ZNF423: variants seen among roughly 807,000 people sequenced by gnomAD.
ZNF423 encodes the protein Ebf-associated zinc finger protein.
ZNF423 carries 12 observed loss-of-function variants against 95.8 expected under a neutral mutation model. The ratio of observed to expected loss-of-function variants is 0.13; its 90% confidence interval spans 0.08 to 0.20. The LOEUF is 0.20. ZNF423 is among the 10% of genes least tolerant of loss of function. The probability of loss-of-function intolerance (pLI) is 1.00; values close to 1 mark genes in which losing one functional copy is unlikely to be tolerated. For missense variants in ZNF423, 1,316 were observed against 1,737.1 expected (o/e 0.76, Z 4.31); for synonymous variants, 749 against 711.9 (o/e 1.05, Z -0.83).
At chr16:49,606,067 C>T (rs1407025754) in intron 5 of ZNF423, among the ~76,000 whole-genome samples, 2 of 152,186 alleles carry the variant, frequency 1.3e-5, no homozygotes, top group South Asian at 2.1e-4. Flanking sequence ...CTGCAGCCAG[C>T]GCCATTGTCA....
intron 2 of ZNF423, among the ~76,000 whole-genome samples, chr16:49,744,962 T>C (rs1257073511): frequency 6.6e-6 from 1 of 152,218 alleles, no homozygotes; most frequent in African/African-American, 2.4e-5. Context: ...CTGTGAATCA[T>C]TTCATTTTCC....
intron 5 of ZNF423, among the ~76,000 whole-genome samples, chr16:49,552,919 G>C (rs559057947): frequency 6.6e-6 from 1 of 151,946 alleles, no homozygotes; most frequent in African/African-American, 2.4e-5. Context: ...ACCTGGACCC[G>C]CTCTACCCTG....
At chr16:49,565,690 C>T (rs966499177) in intron 5 of ZNF423, among the ~76,000 whole-genome samples, 1 of 152,220 alleles carries the variant, frequency 6.6e-6, no homozygotes, top group Non-Finnish European at 1.5e-5. Flanking sequence ...ACATCAGACC[C>T]ATCGGGGCTC....
Position 49,563,510 on chromosome 16 carries a change from C to G in ZNF423, c.3602-38016G>C, listed in dbSNP as rs527825015. ...AAGGTCTAAGACAAACGATATCTCA[C>G]TTAATCTTCACAACAACTCTCTGAG... On this transcript the variant is annotated intron_variant, in intron 5 of 7. Coordinates refer to ENST00000563137, the MANE Select transcript of ZNF423 (RefSeq NM_001379286.1). 3.1e-3 allele frequency among the ~76,000 whole-genome samples: 470 copies of G among 152,330 alleles called. 6 individuals are homozygous for G. Among genetic ancestry groups the G allele is most frequent in the Non-Finnish European group, 3.5e-3 (239 of 68,032 alleles).
chr16:49,732,463 T>C (rs2033191553), intron 2 of ZNF423, among the ~76,000 whole-genome samples: 1 of 152,204 alleles, frequency 6.6e-6, no homozygotes, highest in Non-Finnish European at 1.5e-5. Context: ...GATTTACCCA[T>C]CCGGAAACTA....
At chr16:49,585,766 G>A (rs2151808830) in intron 5 of ZNF423, among the ~76,000 whole-genome samples, 1 of 152,294 alleles carries the variant, frequency 6.6e-6, no homozygotes, top group Middle Eastern at 3.4e-3. Flanking sequence ...TGAATACAAT[G>A]AGTGCTTATA....
In ZNF423 at chr16:49,855,946, C is replaced by CT. The variant is rs1183468163; in HGVS notation, c.-173dup. The CT allele has an allele frequency of 6.6e-6, 1 of 150,666 alleles. No individual in the cohort carries two copies. Among genetic ancestry groups the CT allele is most frequent in the Non-Finnish European group, 1.5e-5 (1 of 67,480 alleles). The allele number at this position is 150,666 out of a possible 1,614,324, so 9.3% of individuals were successfully genotyped here. A position where few individuals can be genotyped will look rare whatever the true frequency, so the allele number is the denominator to read the frequency against. ...GGACCGCAGGTCCGGGGCGGCCTCCCTTGGGGGGGCAGCCCGGGCCGGCCG... is the reference window on the plus strand; with the variant it reads ...GGACCGCAGGTCCGGGGCGGCCTCCCTTTGGGGGGGCAGCCCGGGCCGGCCG... On this transcript the variant is annotated 5_prime_UTR_variant, in exon 1 of 8. Transcript: ENST00000563137. The surrounding 1 kb of genome is among the most constrained non-coding windows in gnomAD (Gnocchi z 4.7).
intron 5 of ZNF423, among the ~76,000 whole-genome samples, chr16:49,580,127 T>C (rs7187662): frequency 0.21 from 32,631 of 152,012 alleles, 3,656 homozygotes; most frequent in African/African-American, 0.26. Context: ...CAGCTTATAG[T>C]CCTGCAATAA....
At chr16:49,629,236 G>T (rs952159566) in intron 4 of ZNF423, among the ~76,000 whole-genome samples, 1 of 151,958 alleles carries the variant, frequency 6.6e-6, no homozygotes, top group East Asian at 1.9e-4. Context: ...TATAGTCCAG[G>T]CCCTGTAGAT....
At chr16:49,858,728 C>CG (rs61603332), upstream of ZNF423, among the ~76,000 whole-genome samples, 1 of 139,854 alleles carries the variant, frequency 7.2e-6, no homozygotes. The surrounding 1 kb of genome is among the most constrained non-coding windows in gnomAD (Gnocchi z 4.3). Context: ...CCCCCCCCCC[C>CG]ACGCCCCCGC....
chr16:49,556,125 G>C (rs1048404631), intron 5 of ZNF423, among the ~76,000 whole-genome samples: 5 of 152,158 alleles, frequency 3.3e-5, no homozygotes, highest in South Asian at 2.1e-4. Context: ...GGTCTCTTCC[G>C]ACCTTCGGAG....
intron 3 of ZNF423, chr16:49,664,010 T>C (rs2030394229): frequency 2.1e-6 from 2 of 955,354 alleles, no homozygotes; most frequent in African/African-American, 3.5e-5. Flanking sequence ...GGCGTTCCGG[T>C]GCAGACACCA....
chr16:49,788,326 A>G (rs780293162), intron 2 of ZNF423, among the ~76,000 whole-genome samples: 1 of 152,088 alleles, frequency 6.6e-6, no homozygotes, highest in Non-Finnish European at 1.5e-5. Context: ...TCCTTTCCCA[A>G]ATTTCATTGA....
intron 5 of ZNF423, among the ~76,000 whole-genome samples, chr16:49,528,271 C>G (rs148304587): frequency 2.0e-5 from 3 of 152,112 alleles, no homozygotes; most frequent in Non-Finnish European, 4.4e-5. Context: ...CTCCGAGTGC[C>G]GAGCAATTCA....
intron 3 of ZNF423, among the ~76,000 whole-genome samples, chr16:49,648,432 G>A (rs2356613): frequency 0.19 from 29,441 of 151,650 alleles, 3,047 homozygotes; most frequent in Admixed American, 0.24. Context: ...ACCTGAGGTC[G>A]GGAGTTCGAG....
chr16:49,710,645 G>A (rs887249251), intron 3 of ZNF423, among the ~76,000 whole-genome samples: 5 of 152,146 alleles, frequency 3.3e-5, no homozygotes, highest in African/African-American at 1.2e-4. Context: ...AATGACAGGT[G>A]GCTCTTAATG....
intron 1 of ZNF423, among the ~76,000 whole-genome samples, chr16:49,795,056 G>T (rs1162957288): frequency 6.6e-6 from 1 of 151,914 alleles, no homozygotes; most frequent in East Asian, 1.9e-4. Flanking sequence ...ATTTGTAGTA[G>T]AAACGGGGCT....
In ZNF423 at chr16:49,635,103, A is replaced by G. The variant is rs1286482277; in HGVS notation, c.3516+557T>C. 1.3e-5 allele frequency among the ~76,000 whole-genome samples: 2 copies of G among 152,228 alleles called. No individual in the cohort carries two copies. The highest frequency in any genetic ancestry group is 2.4e-5 in the African/African-American group (1 of 41,462). ...AACTGAAATGATGCCACTGGTGATA[A>G]GAGTACCAGCTGGTGATGACAGCCA... On this transcript the variant is annotated intron_variant, in intron 4 of 7. Transcript: ENST00000563137. This position sits in a 1 kb window ranked among gnomAD's most constrained non-coding sequence, Gnocchi z 4.8.
intron 3 of ZNF423, among the ~76,000 whole-genome samples, chr16:49,663,338 G>A (rs2030343781): frequency 6.6e-6 from 1 of 152,170 alleles, no homozygotes; most frequent in Non-Finnish European, 1.5e-5. Context: ...GCCTCTTCCT[G>A]AGGAGAACAA....
Sources: gnomAD v4.1 joint callset for allele counts (sites outside exome capture counted in the v4.1 genomes callset) on GRCh38, gnomAD v4.1.1 for gene constraint, Gnocchi (gnomAD v3.1) non-coding constraint, MANE v1.5 for transcripts, NCBI Gene and HGNC (gene_info 2026-07-23, HGNC 2026-07-21) for gene names.